The following CPS1 variants were observed in gnomAD, a reference collection of about 807,000 sequenced individuals.
The protein encoded by CPS1 is carbamoyl-phosphate synthase 1, also known as carbamoyl-phosphate synthase [ammonia], mitochondrial.
A neutral mutation model predicts 174.6 loss-of-function variants in CPS1; 109 were observed. The observed-to-expected ratio is 0.62, with a 90% CI of 0.53 to 0.73. CPS1 has a LOEUF of 0.73. CPS1 is among the 30% of genes least tolerant of loss of function. The pLI is 0.00. For synonymous variants in CPS1, 637 were observed against 632.0 expected (o/e 1.01, Z -0.12); for missense variants, 1,689 against 1,821.9 (o/e 0.93, Z 1.33).
chr2:210,551,980 G>A (rs1276122560), upstream of CPS1, among the ~76,000 whole-genome samples: 1 of 151,922 alleles, frequency 6.6e-6, no homozygotes, highest in Admixed American at 6.6e-5. Flanking sequence ...GAAAATGTGT[G>A]CCTTTTACAT....
In CPS1 at chr2:210,573,313, A is replaced by C. The variant is rs1574540076; in HGVS notation, c.142A>C (p.Ile48Leu). Reference protein sequence around the residue: ...LLSVKAQTAHIVLEDGTKMKG... With the variant: ...LLSVKAQTAHLVLEDGTKMKG... ...GTTTCTTCAGGCACAGACAGCACAC[A>C]TTGTCCTGGAAGATGGAACTAAGAT... The change falls in exon 2 of 38, where the codon ATT (isoleucine) becomes CTT (leucine). Residue 48 changes from isoleucine to leucine, a missense_variant. Physicochemically the swap from Ile to Leu is conservative, Grantham distance 5 (BLOSUM62 2). Transcript: ENST00000233072. 1 of 1,612,920 alleles carries C rather than the reference A, an allele frequency of 6.2e-7. No homozygotes were observed. The highest frequency in any genetic ancestry group is 8.5e-7 in the Non-Finnish European group (1 of 1,179,026).
chr2:210,660,173 T>C (rs1317104061), intron 31 of CPS1, among the ~76,000 whole-genome samples: 1 of 152,090 alleles, frequency 6.6e-6, no homozygotes, highest in African/African-American at 2.4e-5. Context: ...GACTTTAATC[T>C]GAAGCCAGTG....
chr2:210,493,328 G>A (rs1694916326), intron 1 of CPS1, among the ~76,000 whole-genome samples: 2 of 152,260 alleles, frequency 1.3e-5, no homozygotes, highest in South Asian at 4.1e-4. Context: ...GGAGTTAGCA[G>A]AAGATTTCTG....
chr2:210,640,854 A>G (rs1700199930), intron 24 of CPS1, among the ~76,000 whole-genome samples: 1 of 152,202 alleles, frequency 6.6e-6, no homozygotes, highest in African/African-American at 2.4e-5. Context: ...AAAATGTTAT[A>G]TCTTTACCAC....
At chr2:210,520,913 C>G (rs932294944) in intron 1 of CPS1, among the ~76,000 whole-genome samples, 1 of 151,936 alleles carries the variant, frequency 6.6e-6, no homozygotes, top group Non-Finnish European at 1.5e-5. Context: ...TAAGAGCATT[C>G]ATGTGCAAAA....
At chr2:210,650,492 C>T in intron 28 of CPS1, 54 bp downstream of exon 28, 2 of 1,210,082 alleles carry the variant, frequency 1.7e-6, no homozygotes, top group Non-Finnish European at 2.5e-6. Flanking sequence ...CATGTAGTGA[C>T]ATTTATCTCT....
At chr2:210,513,718 T>A (rs1354618806) in intron 1 of CPS1, among the ~76,000 whole-genome samples, 1 of 152,086 alleles carries the variant, frequency 6.6e-6, no homozygotes, top group African/African-American at 2.4e-5. Context: ...AATTTTTGTT[T>A]CTGTTGCAAG....
intron 1 of CPS1, among the ~76,000 whole-genome samples, chr2:210,566,941 G>A (rs576598726): frequency 1.3e-5 from 2 of 151,982 alleles, no homozygotes. Flanking sequence ...TTTGAAGTAA[G>A]ATACCTTTCC....
rs776264924 is a variant in CPS1 at position 210,639,126 on chromosome 2, T to C, written c.2830-24T>C. On this transcript the variant is annotated intron_variant, in intron 22 of 37. Coordinates refer to ENST00000233072, the MANE Select transcript of CPS1 (RefSeq NM_001875.5). ...AATTATAATAACATTCTTATTTGTT[T>C]ATTTTATTTGTTTTCTCTTACAGAT... The C allele has an allele frequency of 2.5e-6, 4 of 1,585,104 alleles. No homozygotes were observed. The African/African-American group carries it at 4.1e-5, about 16-fold the overall frequency.
At chr2:210,605,368 C>A in intron 17 of CPS1, 122 bp downstream of exon 17, 1 of 1,050,990 alleles carries the variant, frequency 9.5e-7, no homozygotes, top group Non-Finnish European at 1.5e-6. Flanking sequence ...CTAGTGATAA[C>A]ATTTTGGACA....
At chr2:210,542,389 C>T (rs1171945247) in intron 1 of CPS1, among the ~76,000 whole-genome samples, 1 of 152,100 alleles carries the variant, frequency 6.6e-6, no homozygotes, top group East Asian at 1.9e-4. Flanking sequence ...AACTCTCCAA[C>T]CTTCAATTGA....
chr2:210,596,883 G>C (rs1698498905), intron 13 of CPS1, among the ~76,000 whole-genome samples: 1 of 151,612 alleles, frequency 6.6e-6, no homozygotes, highest in Non-Finnish European at 1.5e-5. Context: ...GGAATTATTA[G>C]ATTAGATTGT....
chr2:210,491,044 T>C (rs891492307), intron 1 of CPS1, among the ~76,000 whole-genome samples: 3 of 152,184 alleles, frequency 2.0e-5, no homozygotes, highest in African/African-American at 7.2e-5. Flanking sequence ...TAGGACACTT[T>C]ATAATGCTTC....
intron 1 of CPS1, among the ~76,000 whole-genome samples, chr2:210,572,921 C>G (rs1697563186): frequency 6.6e-6 from 1 of 152,006 alleles, no homozygotes; most frequent in Non-Finnish European, 1.5e-5. Flanking sequence ...TTTTTGCAAA[C>G]TCATGAACTT....
At chr2:210,658,792 C>G (rs904539212) in intron 31 of CPS1, 104 bp downstream of exon 31, 1 of 800,208 alleles carries the variant, frequency 1.2e-6, no homozygotes, top group Non-Finnish European at 2.2e-6. Flanking sequence ...CAAAGAGCAA[C>G]TGAGACCCCT....
In CPS1 at chr2:210,616,517, A is replaced by G. The variant is rs905423444; in HGVS notation, c.2663A>G (p.Glu888Gly). 1 of 1,609,270 alleles carries G rather than the reference A, an allele frequency of 6.2e-7. No homozygotes were observed. Among genetic ancestry groups the G allele is most frequent in the South Asian group, 1.1e-5 (1 of 90,960 alleles). ...AAGATGCGTGATATTTTAAACATGG[A>G]AAAGACACTGAAAGGCCTCAACAGG... ...LYKMRDILNM[E>G]KTLKGLNSES... Residue 888 changes from glutamate to glycine, a missense_variant, in exon 21 of 38, where the codon GAA becomes GGA. Physicochemically the swap from Glu to Gly is moderately conservative, Grantham distance 98. Transcript: ENST00000233072.
At chr2:210,677,483 A>G (rs192521265) in intron 37 of CPS1, among the ~76,000 whole-genome samples, 1 of 152,372 alleles carries the variant, frequency 6.6e-6, no homozygotes, top group African/African-American at 2.4e-5. Context: ...CAGGTTAATG[A>G]TGGTCCAGAT....
intron 4 of CPS1, among the ~76,000 whole-genome samples, chr2:210,579,036 G>A (rs530830033): frequency 2.8e-4 from 43 of 151,980 alleles, no homozygotes; most frequent in Non-Finnish European, 4.4e-4. Flanking sequence ...TCAATTTACC[G>A]GTGAGAACAA....
At chr2:210,482,629 C>T (rs1246511302) in intron 1 of CPS1, among the ~76,000 whole-genome samples, 2 of 150,712 alleles carry the variant, frequency 1.3e-5, no homozygotes, top group Non-Finnish European at 2.9e-5. Context: ...CTTTTGCAGA[C>T]TATAGACTAG....
Sources: gnomAD v4.1 joint callset for allele counts (sites outside exome capture counted in the v4.1 genomes callset) on GRCh38, gnomAD v4.1.1 for gene constraint, MANE v1.5 for transcripts, NCBI Gene and HGNC (gene_info 2026-07-23, HGNC 2026-07-21) for gene names.